Variants in RFWD3 observed in about 807,000 individuals in gnomAD.
RFWD3 encodes ring finger and WD repeat domain 3.
Under a neutral mutation model 87.7 loss-of-function variants are expected in RFWD3, and 65 were observed. The ratio of observed to expected loss-of-function variants is 0.74; its 90% confidence interval spans 0.61 to 0.91. The LOEUF (loss-of-function observed/expected upper bound fraction) is 0.91, where lower values mean the gene tolerates loss of function less well. RFWD3 is among the 40% of genes least tolerant of loss of function. The probability of loss-of-function intolerance (pLI) is 0.00; values close to 1 mark genes in which losing one functional copy is unlikely to be tolerated. For missense variants in RFWD3, 1,078 were observed against 938.5 expected (o/e 1.15, Z -1.94); for synonymous variants, 433 against 352.8 (o/e 1.23, Z -2.55).
At chr16:74,641,752 G>A (rs542875037) in intron 6 of RFWD3, among the ~76,000 whole-genome samples, 52 of 151,494 alleles carry the variant, frequency 3.4e-4, no homozygotes, top group Non-Finnish European at 6.6e-4. Flanking sequence ...GTGAAACCCT[G>A]TCTCTACTAA....
intron 7 of RFWD3, among the ~76,000 whole-genome samples, chr16:74,636,839 T>C (rs532029323): frequency 6.6e-6 from 1 of 151,450 alleles, no homozygotes; most frequent in Admixed American, 6.6e-5. Flanking sequence ...GCCTCCTGAG[T>C]AGCTGGGATT....
intron 4 of RFWD3, among the ~76,000 whole-genome samples, chr16:74,648,354 C>T (rs1322191494): frequency 6.6e-6 from 1 of 151,718 alleles, no homozygotes; most frequent in East Asian, 2.0e-4. Flanking sequence ...TAGGTTTCAC[C>T]ATGTTGGCCA....
At chr16:74,630,306 G>A (rs1377273430) in intron 10 of RFWD3, among the ~76,000 whole-genome samples, 1 of 152,162 alleles carries the variant, frequency 6.6e-6, no homozygotes, top group Non-Finnish European at 1.5e-5. Context: ...TACCACGTTG[G>A]TCAGGCTGGT....
chr16:74,640,566 T>C (rs953585227), intron 6 of RFWD3, among the ~76,000 whole-genome samples: 3 of 151,626 alleles, frequency 2.0e-5, no homozygotes, highest in South Asian at 2.1e-4. Flanking sequence ...GATGCTGAGG[T>C]TGGAGGACTG....
chr16:74,632,381 G>A, intron 9 of RFWD3, 142 bp downstream of exon 9: 1 of 905,754 alleles, frequency 1.1e-6, no homozygotes, highest in Admixed American at 2.4e-5. Context: ...GACAGAGCGA[G>A]ACTCCATCTC....
At chr16:74,648,717 G>A (rs2144241583) in intron 4 of RFWD3, among the ~76,000 whole-genome samples, 1 of 151,792 alleles carries the variant, frequency 6.6e-6, no homozygotes, top group South Asian at 2.1e-4. Context: ...GGTTATTGTG[G>A]TGAGCTGAGA....
chr16:74,632,629 G>C lies in RFWD3; in HGVS notation c.1471C>G (p.Gln491Glu). The change falls in exon 9 of 13, where the codon CAG becomes GAG. Residue 491 changes from glutamine to glutamate, a missense_variant. Coordinates refer to ENST00000361070, the MANE Select transcript of RFWD3 (RefSeq NM_018124.4). Reference sequence around the variant, plus strand: ...TGTTTGCCATGCATCGGAATGTACTGACTGCTCTTCATGTTGGCAGTACTC... The same window carrying C: ...TGTTTGCCATGCATCGGAATGTACTCACTGCTCTTCATGTTGGCAGTACTC... ...MLSTANMKSS[Q>E]YIPMHGKQIR... 1 of 1,614,088 alleles carries C rather than the reference G, an allele frequency of 6.2e-7. No individual in the cohort carries two copies. The highest frequency in any genetic ancestry group is 8.5e-7 in the Non-Finnish European group (1 of 1,180,002).
At position 74,637,992 on chromosome 16, in the gene RFWD3, C is replaced by T. The variant is rs369932039; in HGVS notation, c.1080-22G>A. 115 of 1,553,422 alleles carry T rather than the reference C, an allele frequency of 7.4e-5. 1 individual carries two copies. In the East Asian group the frequency reaches 2.5e-3, roughly 33 times the overall value. ...GGAACTAGAGGGGGAAAGCCAGCAA[C>T]AAGTGGGGATTAGGAAGGCTACAGA... is the stretch of plus-strand genomic sequence containing the variant. On this transcript the variant is annotated intron_variant, in intron 6 of 12. Transcript: ENST00000361070.
chr16:74,626,158 C>T (rs1042252992), intron 12 of RFWD3, among the ~76,000 whole-genome samples, 185 bp downstream of exon 12: 25 of 152,088 alleles, frequency 1.6e-4, no homozygotes, highest in African/African-American at 5.1e-4. Flanking sequence ...CAAAGCAATA[C>T]GGAAAGCACG....
Position 74,657,478 on chromosome 16 carries a change from C to CTTTT in RFWD3, c.518+3450_518+3453dup, listed in dbSNP as rs386385075. Among the ~76,000 whole-genome samples, 49 of 122,668 alleles carry CTTTT rather than the reference C, an allele frequency of 4.0e-4. 3 individuals carry two copies. The highest frequency in any genetic ancestry group is 6.7e-4 in the Non-Finnish European group (38 of 57,048). The allele number at this position is 122,668 out of a possible 152,430, so 80.5% of individuals were successfully genotyped here. ...CTGACATCACCCAGGTTTTCTTTTTCTTTTTTTTTTTTTTTGAGACGGAGT... is the reference window on the plus strand; with the variant it reads ...CTGACATCACCCAGGTTTTCTTTTTCTTTTTTTTTTTTTTTTTTTGAGACGGAGT... On this transcript the variant is annotated intron_variant, in intron 2 of 12. Transcript: ENST00000361070.
intron 3 of RFWD3, among the ~76,000 whole-genome samples, chr16:74,650,339 G>C (rs1410801948): frequency 3.3e-5 from 5 of 150,572 alleles, no homozygotes; most frequent in Non-Finnish European, 7.4e-5. Flanking sequence ...AAACAGTCTT[G>C]AGTAGATTCA....
chr16:74,623,840 A>C lies in RFWD3; in HGVS notation c.*88T>G. The C allele has an allele frequency of 7.1e-7, 1 of 1,404,780 alleles. No homozygotes were observed. The highest frequency in any genetic ancestry group is 9.9e-7 in the Non-Finnish European group (1 of 1,007,594). The allele number at this position is 1,404,780 out of a possible 1,614,324, so 87.0% of individuals were successfully genotyped here. On this transcript the variant is annotated 3_prime_UTR_variant, in exon 13 of 13. Transcript: ENST00000361070. ...TGATTCCCAATGTTCTAGACTGCAG[A>C]CAATAAACAGGGATCTTGCTTGGGG...
chr16:74,643,669 GTTTTTTTTTTTTTT>G (rs35397997), intron 6 of RFWD3, among the ~76,000 whole-genome samples: 3 of 105,076 alleles, frequency 2.9e-5, no homozygotes, highest in Non-Finnish European at 3.7e-5. Flanking sequence ...ACTAGCAACT[GTTTTTTTTTTTTTT>G]TTTTTTTTTT....
intron 10 of RFWD3, among the ~76,000 whole-genome samples, chr16:74,629,925 C>T (rs2144052627): frequency 6.6e-6 from 1 of 152,298 alleles, no homozygotes; most frequent in South Asian, 2.1e-4. Context: ...CATCCATCCT[C>T]AGAACTTGGG....
chr16:74,660,972 T>A lies in RFWD3; in HGVS notation c.478A>T (p.Arg160Trp), dbSNP rs1309433833. ...RTRRRVSASR[R>W]ARAGGSQRTD... is the part of the protein sequence containing the mutation. ...CTCTGAGACCCTCCGGCTCTTGCCC[T>A]CCGTGAAGCAGATACCCTCCTTCTT... The change falls in exon 2 of 13, where the codon AGG (arginine) becomes TGG (tryptophan). Residue 160 changes from arginine (R) to tryptophan (W), a missense_variant. Arg to Trp is a moderately radical substitution (Grantham distance 101). Transcript: ENST00000361070. The A allele has an allele frequency of 6.2e-7, 1 of 1,614,024 alleles. No individual in the cohort carries two copies. The highest frequency in any genetic ancestry group is 8.5e-7 in the Non-Finnish European group (1 of 1,180,006).
At position 74,662,149 on chromosome 16, in the gene RFWD3, AT is replaced by A. The variant is rs1056234801; in HGVS notation, c.-2-699del. On this transcript the variant is annotated intron_variant, in intron 1 of 12. Coordinates refer to ENST00000361070, the MANE Select transcript of RFWD3 (RefSeq NM_018124.4). ...CCTAGTTTTTAAACTAAAAAAAAAA[AT>A]TTTTTTTTGTTATATAGATGAAGGC... Among the ~76,000 whole-genome samples, 62 of 134,690 alleles carry A rather than the reference AT, an allele frequency of 4.6e-4. 1 individual carries two copies. The highest frequency in any genetic ancestry group is 3.6e-3 in the Middle Eastern group (1 of 274). The allele number at this position is 134,690 out of a possible 152,430, so 88.4% of individuals were successfully genotyped here. A position where few individuals can be genotyped will look rare whatever the true frequency, so the allele number is the denominator to read the frequency against.
Position 74,626,365 on chromosome 16 carries a change from T to G in RFWD3, c.2159A>C (p.Asp720Ala), listed in dbSNP as rs1488093446. ...CACCAGGGCAGAATTTGCTGCTTCATCCCCAGTACACACCAGGATGTTGCC... is the reference window on the plus strand; with the variant it reads ...CACCAGGGCAGAATTTGCTGCTTCAGCCCCAGTACACACCAGGATGTTGCC... ...NDGNILVCTGDEAANSALLWD... is the reference protein window; with the variant it reads ...NDGNILVCTGAEAANSALLWD... Residue 720 changes from aspartate to alanine, a missense_variant, in exon 12 of 13, where the codon GAT becomes GCT. By Grantham distance (126) the Asp-to-Ala change is moderately radical. Coordinates refer to ENST00000361070, the MANE Select transcript of RFWD3 (RefSeq NM_018124.4). 1.9e-6 allele frequency: 3 copies of G among 1,614,140 alleles called. No homozygotes were observed. In the South Asian group the frequency reaches 3.3e-5, roughly 18 times the overall value.
intron 11 of RFWD3, among the ~76,000 whole-genome samples, chr16:74,627,482 G>A (rs1597407623): frequency 6.6e-6 from 1 of 152,000 alleles, no homozygotes; most frequent in East Asian, 1.9e-4. Context: ...GAAGCATGCT[G>A]CCCTCTTCTC....
rs985315714 is a variant in RFWD3, at chr16:74,622,259, A to G, written c.*1669T>C. The G allele has an allele frequency of 1.1e-4, 17 of 152,176 alleles. No individual in the cohort carries two copies. The highest frequency in any genetic ancestry group is 4.1e-4 in the African/African-American group (17 of 41,452). 9.4% of individuals were successfully genotyped at this position (152,176 alleles called of 1,614,324 possible). On this transcript the variant is annotated 3_prime_UTR_variant, in exon 13 of 13. Coordinates refer to ENST00000361070, the MANE Select transcript of RFWD3 (RefSeq NM_018124.4). Reference sequence around the variant, plus strand: ...TGGGCAACCACTCTTAATCATTAACATATCAAAAGGAGTATCTCCTCTGAG... The same window carrying G: ...TGGGCAACCACTCTTAATCATTAACGTATCAAAAGGAGTATCTCCTCTGAG...
Sources: allele counts gnomAD v4.1 joint callset (sites outside exome capture counted in the v4.1 genomes callset), GRCh38; gene constraint gnomAD v4.1.1; transcripts MANE v1.5; gene names NCBI Gene and HGNC (gene_info 2026-07-23, HGNC 2026-07-21).